The following IL2RB variants were observed in gnomAD, a reference collection of about 807,000 sequenced individuals.
The protein encoded by IL2RB is interleukin-2 receptor subunit beta.
In IL2RB, 17 loss-of-function variants were observed where a neutral mutation model predicts 44.2. The observed-to-expected ratio is 0.38, with a 90% CI of 0.26 to 0.58. The LOEUF is 0.58. Among genes scored for constraint, IL2RB ranks in the 20% least tolerant of loss-of-function variants. The pLI is 0.63. For synonymous variants in IL2RB, 286 were observed against 297.9 expected (o/e 0.96, Z 0.41); for missense variants, 624 against 685.5 (o/e 0.91, Z 1.00).
chr22:37,133,481 AAAGGC>A (rs1359524575), intron 8 of IL2RB, among the ~76,000 whole-genome samples: 1 of 152,208 alleles, frequency 6.6e-6, no homozygotes, highest in Non-Finnish European at 1.5e-5. Flanking sequence ...GCATCAGTTA[AAAGGC>A]AATGGTAGCC....
At chr22:37,159,098 T>G (rs1369008294) in intron 1 of IL2RB, among the ~76,000 whole-genome samples, 1 of 152,216 alleles carries the variant, frequency 6.6e-6, no homozygotes, top group African/African-American at 2.4e-5. Flanking sequence ...CTTTTTCTTA[T>G]TCTTGGGCAG....
chr22:37,133,368 T>C (rs567687607), intron 8 of IL2RB, among the ~76,000 whole-genome samples: 1 of 152,252 alleles, frequency 6.6e-6, no homozygotes, highest in African/African-American at 2.4e-5. Context: ...CTCCGAACAC[T>C]GCCGAGAACC....
chr22:37,149,989 C>T, upstream of IL2RB: 1 of 875,390 alleles, frequency 1.1e-6, no homozygotes. Context: ...GGGGCAAGGC[C>T]TGGGGTGGAG....
Position 37,135,402 on chromosome 22 carries a change from G to A in IL2RB, c.744C>T (p.Leu248=), listed in dbSNP as rs1048170080. 3.7e-6 allele frequency: 6 copies of A among 1,613,694 alleles called. No homozygotes were observed. The highest frequency in any genetic ancestry group is 3.4e-6 in the Non-Finnish European group (4 of 1,179,782). ...KDTIPWLGHL[L]VGLSGAFGFI... ...AGCCAAAAGCCCCGCTGAGGCCCACGAGGAGGTGGCCGAGCCACGGAATGG... is the reference window on the plus strand; with the variant it reads ...AGCCAAAAGCCCCGCTGAGGCCCACAAGGAGGTGGCCGAGCCACGGAATGG... Residue 248 remains leucine, a synonymous_variant, in exon 8 of 10, where the codon CTC becomes CTT. Transcript: ENST00000216223.
At chr22:37,167,809 C>A (rs1036812238) in intron 1 of IL2RB, among the ~76,000 whole-genome samples, 20 of 152,352 alleles carry the variant, frequency 1.3e-4, no homozygotes, top group African/African-American at 4.6e-4. Context: ...TGGAGTCCCA[C>A]AGCTTCTCTG....
upstream of IL2RB, among the ~76,000 whole-genome samples, chr22:37,154,639 G>A (rs775290587): frequency 4.0e-5 from 6 of 150,118 alleles, no homozygotes; most frequent in African/African-American, 9.8e-5. Flanking sequence ...GCAGTGGCGC[G>A]ATCTCGGCTC....
chr22:37,170,689 C>G lies in IL2RB; in HGVS notation c.-34+4269G>C, dbSNP rs898890962. ...GTCACTGCTTGACGTGGCTCATGGCCTCCCAGCCTCACTGCACGGGCCACA... is the reference window on the plus strand; with the variant it reads ...GTCACTGCTTGACGTGGCTCATGGCGTCCCAGCCTCACTGCACGGGCCACA... On this transcript the variant is annotated intron_variant, in intron 1 of 5. Coordinates refer to the IL2RB transcript ENST00000429622. Among the ~76,000 whole-genome samples the G allele has an allele frequency of 7.1e-4, 108 of 152,238 alleles. 3 individuals carry two copies. The highest frequency in any genetic ancestry group is 4.6e-4 in the Admixed American group (7 of 15,290).
chr22:37,155,958 G>A (rs1922666398), intron 1 of IL2RB, among the ~76,000 whole-genome samples: 2 of 152,164 alleles, frequency 1.3e-5, no homozygotes, highest in Non-Finnish European at 2.9e-5. Flanking sequence ...ATGGGACAAG[G>A]GCATATTGGG....
rs541405891 is a variant in IL2RB at position 37,136,360 on chromosome 22, C to G, written c.571G>C (p.Glu191Gln). 1.4e-4 allele frequency: 227 copies of G among 1,612,294 alleles called. No homozygotes were observed. Among genetic ancestry groups the G allele is most frequent in the Non-Finnish European group, 1.6e-4 (194 of 1,179,370 alleles). ...GTGAGCGTCTCCAGGCAGATCCATT[C>G]CTGCTTCTGCTTGAGAGTCAGCAGG... ...APLLTLKQKQEWICLETLTPD... is the reference protein window; with the variant it reads ...APLLTLKQKQQWICLETLTPD... Residue 191 changes from glutamate (E) to glutamine (Q), a missense_variant, in exon 7 of 10, where the codon GAA (glutamate) becomes CAA (glutamine). Physicochemically the swap from Glu to Gln is conservative, Grantham distance 29. Transcript: ENST00000216223.
intron 2 of IL2RB, 57 bp from the exon 3 acceptor site, chr22:37,143,692 A>G (rs1922082042): frequency 8.2e-7 from 1 of 1,226,788 alleles, no homozygotes; most frequent in East Asian, 2.3e-5. Flanking sequence ...CCCCCCCAAG[A>G]CACGCCCACT....
upstream of IL2RB, among the ~76,000 whole-genome samples, chr22:37,150,837 T>C (rs1922459921): frequency 1.3e-5 from 2 of 152,250 alleles, no homozygotes; most frequent in Admixed American, 6.5e-5. Context: ...TTTGTCTTTT[T>C]GTGCCTGGCC....
At chr22:37,173,333 G>T (rs1466471150) in intron 1 of IL2RB, among the ~76,000 whole-genome samples, 1 of 152,162 alleles carries the variant, frequency 6.6e-6, no homozygotes, top group African/African-American at 2.4e-5. Flanking sequence ...CCGCATGAGG[G>T]CAGGGACCAT....
At chr22:37,147,260 G>A (rs1299451784) in intron 1 of IL2RB, among the ~76,000 whole-genome samples, 1 of 152,210 alleles carries the variant, frequency 6.6e-6, no homozygotes, top group African/African-American at 2.4e-5. Flanking sequence ...AGGAAACGGA[G>A]GCACACAGAG....
chr22:37,157,356 T>C (rs1922716141), intron 1 of IL2RB, among the ~76,000 whole-genome samples: 1 of 152,170 alleles, frequency 6.6e-6, no homozygotes, highest in African/African-American at 2.4e-5. Flanking sequence ...CCCTTACTTC[T>C]GCTTTGCCAC....
At chr22:37,165,577 C>T (rs865928444) in intron 1 of IL2RB, among the ~76,000 whole-genome samples, 2 of 152,154 alleles carry the variant, frequency 1.3e-5, no homozygotes, top group South Asian at 2.1e-4. Flanking sequence ...GGCATGGGAA[C>T]GAATGCAATA....
chr22:37,135,063 T>C (rs981726959), intron 8 of IL2RB, among the ~76,000 whole-genome samples: 8 of 151,802 alleles, frequency 5.3e-5, no homozygotes, highest in Non-Finnish European at 1.0e-4. Flanking sequence ...TCCCCTCGGG[T>C]TGGTTCCACA....
chr22:37,141,249 C>G lies in IL2RB; in HGVS notation c.282+1185G>C, dbSNP rs972235675. ...GGGGCCCTGGTCCAAACCCAAGCCT[C>G]CAGGTGATCTTGCAAGCAGGGAGCA... On this transcript the variant is annotated intron_variant, in intron 4 of 9. Transcript: ENST00000216223. This position sits in a 1 kb window ranked among gnomAD's most constrained non-coding sequence, Gnocchi z 4.4. 6.6e-6 allele frequency among the ~76,000 whole-genome samples: 1 copy of G among 151,866 alleles called. No individual in the cohort carries two copies. Among genetic ancestry groups the G allele is most frequent in the Admixed American group, 6.6e-5 (1 of 15,260 alleles).
rs763401507 is a variant in IL2RB, at chr22:37,128,728, T to C, written c.1024A>G (p.Lys342Glu). The change falls in exon 10 of 10, where the codon AAG (lysine) becomes GAG (glutamate). Residue 342 changes from lysine (K) to glutamate (E), a missense_variant. Physicochemically the swap from Lys to Glu is moderately conservative, Grantham distance 56. Coordinates refer to ENST00000216223, the MANE Select transcript of IL2RB (RefSeq NM_000878.5). The surrounding 1 kb of genome is among the most constrained non-coding windows in gnomAD (Gnocchi z 4.5). ...CTTAAGGATGCGGGCTCAGGCACCTTGTCCTGCTGCAGGAGCAGCTGCGTC... is the reference window on the plus strand; with the variant it reads ...CTTAAGGATGCGGGCTCAGGCACCTCGTCCTGCTGCAGGAGCAGCTGCGTC... The part of the protein sequence containing the change: ...KVTQLLLQQD[K>E]VPEPASLSSN... 1.2e-6 allele frequency: 2 copies of C among 1,614,044 alleles called. No homozygotes were observed. Among genetic ancestry groups the C allele is most frequent in the African/African-American group, 2.7e-5 (2 of 74,926 alleles).
chr22:37,152,842 C>G (rs73406995), upstream of IL2RB, among the ~76,000 whole-genome samples: 7,467 of 151,878 alleles, frequency 0.049, 596 homozygotes, highest in African/African-American at 0.17. Context: ...CTGTGAAGTT[C>G]CATCCTCAGA....
Sources: allele counts gnomAD v4.1 joint callset (sites outside exome capture counted in the v4.1 genomes callset), GRCh38; gene constraint gnomAD v4.1.1; non-coding constraint Gnocchi (gnomAD v3.1); transcripts MANE v1.5; gene names NCBI Gene and HGNC (gene_info 2026-07-23, HGNC 2026-07-21).